Variants in PLCB4 observed in about 807,000 individuals in gnomAD.
The protein encoded by PLCB4 is 1-phosphatidylinositol 4,5-bisphosphate phosphodiesterase beta-4.
PLCB4 carries 77 observed loss-of-function variants against 178.8 expected under a neutral mutation model. The ratio of observed to expected loss-of-function variants is 0.43; its 90% CI spans 0.36 to 0.52. PLCB4 has a LOEUF of 0.52. Ranked by LOEUF, PLCB4 falls within the 20% of genes least tolerant of loss-of-function variation. The pLI is 0.00. For missense variants in PLCB4, 1,024 were observed against 1,453.4 expected (o/e 0.70, Z 4.80); for synonymous variants, 496 against 490.8 (o/e 1.01, Z -0.14).
At chr20:9,192,568 C>T (rs1387409935) in intron 2 of PLCB4, among the ~76,000 whole-genome samples, 3 of 147,790 alleles carry the variant, frequency 2.0e-5, no homozygotes, top group Non-Finnish European at 4.5e-5. Flanking sequence ...CTGTGTCACC[C>T]AGGCTGGAGT....
At chr20:9,254,568 C>T (rs1168954408) in intron 3 of PLCB4, among the ~76,000 whole-genome samples, 1 of 152,038 alleles carries the variant, frequency 6.6e-6, no homozygotes. Context: ...CTTGGTGTTG[C>T]ATGCCTGTAA....
chr20:9,283,024 A>C (rs2094507670), intron 3 of PLCB4, among the ~76,000 whole-genome samples: 2 of 152,064 alleles, frequency 1.3e-5, no homozygotes, highest in South Asian at 2.1e-4. Flanking sequence ...GTGGAACGAA[A>C]GTCTTCATAT....
intron 15 of PLCB4, 125 bp downstream of exon 15, chr20:9,387,681 C>A: frequency 1.9e-6 from 1 of 513,482 alleles, no homozygotes; most frequent in Non-Finnish European, 3.4e-6. Context: ...TCCCTTCTTC[C>A]AGTCTTGAGG....
intron 3 of PLCB4, among the ~76,000 whole-genome samples, chr20:9,299,535 AT>A (rs541555924): frequency 2.0e-5 from 3 of 151,714 alleles, no homozygotes; most frequent in South Asian, 2.1e-4. Flanking sequence ...GCCTGTGGTT[AT>A]TTTTTTTCTT....
At chr20:9,457,359 T>C (rs529090459) in intron 33 of PLCB4, 55 bp from the exon 34 acceptor site, 6 of 846,726 alleles carry the variant, frequency 7.1e-6, no homozygotes, top group African/African-American at 6.6e-5. Flanking sequence ...CAAAGACCCA[T>C]GGGAATGGGA....
intron 1 of PLCB4, among the ~76,000 whole-genome samples, chr20:9,070,318 G>A (rs1036724935): frequency 5.9e-5 from 9 of 152,104 alleles, no homozygotes; most frequent in South Asian, 2.1e-4. Flanking sequence ...TGTGTGTTGC[G>A]GGGGAAGGTA....
At chr20:9,157,050 G>A (rs537096498) in intron 2 of PLCB4, among the ~76,000 whole-genome samples, 14 of 151,498 alleles carry the variant, frequency 9.2e-5, no homozygotes, top group African/African-American at 2.7e-4. Flanking sequence ...TCTGTTCTTC[G>A]CTATTTTAGT....
intron 12 of PLCB4, among the ~76,000 whole-genome samples, chr20:9,377,275 T>C (rs1462315661): frequency 6.6e-6 from 1 of 152,122 alleles, no homozygotes; most frequent in Non-Finnish European, 1.5e-5. Context: ...CTGGATACCA[T>C]GGGGTGAATA....
intron 2 of PLCB4, among the ~76,000 whole-genome samples, chr20:9,170,688 T>C (rs1166661288): frequency 6.6e-6 from 1 of 152,218 alleles, no homozygotes; most frequent in African/African-American, 2.4e-5. Flanking sequence ...TGACATTCCA[T>C]GTTTGTGGGC....
In PLCB4 at chr20:9,312,258, T is replaced by C. The variant is rs187449900; in HGVS notation, c.84+4360T>C. 1.8e-3 allele frequency among the ~76,000 whole-genome samples: 271 copies of C among 151,968 alleles called. 1 individual carries two copies. The highest frequency in any genetic ancestry group is 6.0e-3 in the African/African-American group (247 of 41,414). On this transcript the variant is annotated intron_variant, in intron 4 of 39. Coordinates refer to ENST00000378473, the MANE Select transcript of PLCB4 (RefSeq NM_001377142.1). ...CCCCTTCTTCTTGCCCATGGGACTT[T>C]CTTGTATCTGAGTCCAGCTGCCTAG...
intron 2 of PLCB4, among the ~76,000 whole-genome samples, chr20:9,132,675 T>C (rs992948269): frequency 2.9e-4 from 44 of 152,182 alleles, no homozygotes; most frequent in African/African-American, 1.0e-3. Context: ...GATTCTTCTA[T>C]TGGATTTATC....
At chr20:9,286,094 T>A (rs925555333) in intron 3 of PLCB4, among the ~76,000 whole-genome samples, 5 of 151,984 alleles carry the variant, frequency 3.3e-5, no homozygotes, top group Non-Finnish European at 5.9e-5. Context: ...ACTTTACCAT[T>A]AAAAGGAATC....
intron 4 of PLCB4, among the ~76,000 whole-genome samples, chr20:9,327,228 C>T (rs1442988353): frequency 1.3e-5 from 2 of 151,852 alleles, no homozygotes; most frequent in Non-Finnish European, 2.9e-5. Flanking sequence ...TGCTTGAAGC[C>T]AGGAGTTCGA....
intron 9 of PLCB4, among the ~76,000 whole-genome samples, chr20:9,365,777 T>C (rs1288564390): frequency 6.6e-6 from 1 of 152,242 alleles, no homozygotes; most frequent in Admixed American, 6.5e-5. Flanking sequence ...GAACTATTTT[T>C]TAAAATCGGC....
chr20:9,204,373 G>A (rs1358684025), intron 2 of PLCB4, among the ~76,000 whole-genome samples: 2 of 151,592 alleles, frequency 1.3e-5, no homozygotes, highest in Non-Finnish European at 2.9e-5. Context: ...TTTTTGCGGG[G>A]GTGGGGATCG....
chr20:9,142,355 G>A (rs1426231286), intron 2 of PLCB4, among the ~76,000 whole-genome samples: 1 of 152,158 alleles, frequency 6.6e-6, no homozygotes, highest in East Asian at 1.9e-4. Context: ...CCAGTACAAA[G>A]ATTGGAAATG....
intron 2 of PLCB4, among the ~76,000 whole-genome samples, chr20:9,180,416 G>A (rs551786612): frequency 3.3e-5 from 5 of 152,232 alleles, no homozygotes; most frequent in South Asian, 2.1e-4. Flanking sequence ...CTGGTGCTAC[G>A]ATCTGAATTC....
chr20:9,175,842 G>A (rs1177347374), intron 2 of PLCB4, among the ~76,000 whole-genome samples: 1 of 152,160 alleles, frequency 6.6e-6, no homozygotes, highest in Non-Finnish European at 1.5e-5. Flanking sequence ...CATTGGGCCT[G>A]TTAAAATATC....
At chr20:9,474,091 C>T (rs1269399868) in intron 38 of PLCB4, among the ~76,000 whole-genome samples, 1 of 152,026 alleles carries the variant, frequency 6.6e-6, no homozygotes, top group Admixed American at 6.6e-5. Flanking sequence ...GTGGCATGCA[C>T]CTGTAGTCCC....
Sources: allele counts gnomAD v4.1 joint callset (sites outside exome capture counted in the v4.1 genomes callset), GRCh38; gene constraint gnomAD v4.1.1; transcripts MANE v1.5; gene names NCBI Gene and HGNC (gene_info 2026-07-23, HGNC 2026-07-21).